Variants in MCTP2 observed in about 807,000 individuals in gnomAD.
MCTP2 encodes the protein multiple C2 and transmembrane domain containing 2, also known as multiple C2 and transmembrane domain-containing protein 2.
In MCTP2, 132 loss-of-function variants were observed where a neutral mutation model predicts 111.6. That is an observed-to-expected ratio of 1.18 (90% confidence interval 1.03 to 1.37). The LOEUF (loss-of-function observed/expected upper bound fraction) is 1.37, where lower values mean the gene tolerates loss of function less well. Ranked by LOEUF, MCTP2 falls within the 40% of genes most tolerant of loss-of-function variation. MCTP2 has a pLI of 0.00. For missense variants in MCTP2, 1,183 were observed against 1,067.9 expected (o/e 1.11, Z -1.50); for synonymous variants, 395 against 387.7 (o/e 1.02, Z -0.22).
At chr15:94,282,025 G>A (rs562987993) in intron 1 of MCTP2, among the ~76,000 whole-genome samples, 2 of 152,238 alleles carry the variant, frequency 1.3e-5, no homozygotes, top group South Asian at 2.1e-4. Flanking sequence ...CTTGGTGAAA[G>A]TCATCTTGTA....
chr15:94,248,373 C>T (rs2072168304), intron 1 of MCTP2, among the ~76,000 whole-genome samples: 1 of 151,906 alleles, frequency 6.6e-6, no homozygotes, highest in Non-Finnish European at 1.5e-5. Flanking sequence ...AATAATGGGC[C>T]TCTTCCAGGC....
At chr15:94,442,787 T>G in intron 18 of MCTP2, 132 bp from the exon 19 acceptor site, 1 of 710,994 alleles carries the variant, frequency 1.4e-6, no homozygotes, top group Non-Finnish European at 2.5e-6. Context: ...AGTTATTGTT[T>G]AAGAGGTTGT....
intron 20 of MCTP2, among the ~76,000 whole-genome samples, chr15:94,468,534 A>G (rs1299926483): frequency 1.3e-5 from 2 of 152,226 alleles, no homozygotes; most frequent in African/African-American, 2.4e-5. Flanking sequence ...ACCAATAGGC[A>G]TATTAAAAGG....
At chr15:94,384,968 G>A (rs2080372926) in intron 13 of MCTP2, among the ~76,000 whole-genome samples, 1 of 152,082 alleles carries the variant, frequency 6.6e-6, no homozygotes, top group African/African-American at 2.4e-5. Context: ...AGTATTTTGT[G>A]TTTCAACAAC....
In MCTP2 at chr15:94,483,210, A is replaced by C. The variant is rs540917803; in HGVS notation, c.*4176A>C. 1 of 152,288 alleles carries C rather than the reference A, an allele frequency of 6.6e-6. No individual in the cohort carries two copies. Among genetic ancestry groups the C allele is most frequent in the Admixed American group, 6.5e-5 (1 of 15,296 alleles). The allele number at this position is 152,288 out of a possible 1,614,324, so 9.4% of individuals were successfully genotyped here. A position where few individuals can be genotyped will look rare whatever the true frequency, so the allele number is the denominator to read the frequency against. On this transcript the variant is annotated 3_prime_UTR_variant, in exon 23 of 23. Coordinates refer to ENST00000357742, the MANE Select transcript of MCTP2 (RefSeq NM_001385001.1). ...ATGGGCTTGAGATGGAGTTAGCCATATTCATTATTGAAAACTATGTTCTGC... is the reference window on the plus strand; with the variant it reads ...ATGGGCTTGAGATGGAGTTAGCCATCTTCATTATTGAAAACTATGTTCTGC...
intron 17 of MCTP2, among the ~76,000 whole-genome samples, chr15:94,436,454 A>G (rs1447054220): frequency 6.6e-6 from 1 of 152,218 alleles, no homozygotes; most frequent in Non-Finnish European, 1.5e-5. Flanking sequence ...AGAAATGGGA[A>G]TTATGCATTG....
chr15:94,446,994 A>C (rs2084157927), intron 19 of MCTP2, among the ~76,000 whole-genome samples: 1 of 152,232 alleles, frequency 6.6e-6, no homozygotes, highest in Non-Finnish European at 1.5e-5. Context: ...AAGGATACAA[A>C]TGGGTATTGT....
rs1555464919 is a variant in MCTP2 at position 94,390,102 on chromosome 15, A to ATATG, written c.1788+4580_1788+4581insGTAT. ...TATATATATATATGTATATATATAT[A>ATATG]TATATATATATGTATATATATATAT... On this transcript the variant is annotated intron_variant, in intron 14 of 22. Coordinates refer to ENST00000357742, the MANE Select transcript of MCTP2 (RefSeq NM_001385001.1). Among the ~76,000 whole-genome samples, 103 of 39,118 alleles carry ATATG rather than the reference A, an allele frequency of 2.6e-3. 2 individuals carry two copies. The highest frequency in any genetic ancestry group is 9.5e-3 in the Admixed American group (25 of 2,630). The allele number at this position is 39,118 out of a possible 152,430, so 25.7% of individuals were successfully genotyped here.
intron 1 of MCTP2, among the ~76,000 whole-genome samples, chr15:94,260,705 A>C (rs1018948505): frequency 6.6e-6 from 1 of 152,124 alleles, no homozygotes; most frequent in Non-Finnish European, 1.5e-5. Context: ...TTCAGTTTCA[A>C]AATGTTAATT....
Position 94,399,978 on chromosome 15 carries a change from C to T in MCTP2, c.1948C>T (p.Arg650Cys), listed in dbSNP as rs147342931. The T allele has an allele frequency of 4.2e-5, 67 of 1,613,828 alleles. No individual in the cohort carries two copies. Among genetic ancestry groups the T allele is most frequent in the South Asian group, 3.5e-4 (32 of 91,066 alleles). Residue 650 changes from arginine to cysteine, a missense_variant, in exon 16 of 23, where the codon CGC (arginine) becomes TGC (cysteine). Physicochemically the swap from Arg to Cys is radical, Grantham distance 180 (BLOSUM62 -3). Coordinates refer to ENST00000357742, the MANE Select transcript of MCTP2 (RefSeq NM_001385001.1). ...GGAAAAGCGCTTTGTTGAAGACAGC[C>T]GCAAGCTGTCCAAAAAGGTGGGTCG... The part of the protein sequence containing the change: ...PREKRFVEDS[R>C]KLSKKILSRD...
intron 1 of MCTP2, among the ~76,000 whole-genome samples, chr15:94,257,257 C>T (rs534121660): frequency 2.5e-4 from 38 of 152,234 alleles, no homozygotes; most frequent in African/African-American, 8.7e-4. Flanking sequence ...CATCCCTCTT[C>T]AAACATATAT....
At chr15:94,456,781 C>A (rs1274942601) in intron 19 of MCTP2, among the ~76,000 whole-genome samples, 1 of 152,166 alleles carries the variant, frequency 6.6e-6, no homozygotes, top group African/African-American at 2.4e-5. Flanking sequence ...CATTGCAGCA[C>A]CCTTTACTGG....
At chr15:94,313,626 A>T (rs1286471211) in intron 2 of MCTP2, among the ~76,000 whole-genome samples, 1 of 151,998 alleles carries the variant, frequency 6.6e-6, no homozygotes, top group Non-Finnish European at 1.5e-5. Flanking sequence ...ACTTGAACTC[A>T]GGAGGTGGAG....
intron 4 of MCTP2, among the ~76,000 whole-genome samples, chr15:94,338,395 G>A (rs1211603428): frequency 6.6e-6 from 1 of 151,776 alleles, no homozygotes; most frequent in Non-Finnish European, 1.5e-5. Context: ...TCACTAGGTA[G>A]TAATGAACAA....
chr15:94,317,810 T>G (rs1389684162), intron 4 of MCTP2, among the ~76,000 whole-genome samples: 1 of 152,222 alleles, frequency 6.6e-6, no homozygotes, highest in Admixed American at 6.5e-5. Flanking sequence ...CTCTCTCTCT[T>G]GCTCATGTTT....
At position 94,245,718 on chromosome 15, in the gene MCTP2, A is replaced by G. The variant is rs544586704; in HGVS notation, c.-66+14054A>G. Among the ~76,000 whole-genome samples, 471 of 128,514 alleles carry G rather than the reference A, an allele frequency of 3.7e-3. 1 individual carries two copies. The highest frequency in any genetic ancestry group is 6.5e-3 in the South Asian group (28 of 4,328). The allele number at this position is 128,514 out of a possible 152,430, so 84.3% of individuals were successfully genotyped here. A position where few individuals can be genotyped will look rare whatever the true frequency, so the allele number is the denominator to read the frequency against. On this transcript the variant is annotated intron_variant, in intron 1 of 22. Transcript: ENST00000357742. ...TATAAATATATGTGTGTGTGTGTGTATATATATATATATATATCTATATAG... is the reference window on the plus strand; with the variant it reads ...TATAAATATATGTGTGTGTGTGTGTGTATATATATATATATATCTATATAG...
At chr15:94,440,433 T>C in intron 18 of MCTP2, 135 bp downstream of exon 18, 3 of 1,023,904 alleles carry the variant, frequency 2.9e-6, no homozygotes, top group Non-Finnish European at 4.3e-6. Context: ...GCACTCATTT[T>C]GCAGTGGAGG....
intron 4 of MCTP2, among the ~76,000 whole-genome samples, chr15:94,338,740 G>A (rs2077490822): frequency 6.6e-6 from 1 of 152,172 alleles, no homozygotes; most frequent in African/African-American, 2.4e-5. Context: ...TGCAGGTGCG[G>A]GGACGCAGCA....
At chr15:94,297,581 G>C (rs1393469398) in intron 1 of MCTP2, among the ~76,000 whole-genome samples, 1 of 152,024 alleles carries the variant, frequency 6.6e-6, no homozygotes, top group Non-Finnish European at 1.5e-5. Context: ...TTAATTCTGG[G>C]AAGGAAGTTG....
Sources: allele counts gnomAD v4.1 joint callset (sites outside exome capture counted in the v4.1 genomes callset), GRCh38; gene constraint gnomAD v4.1.1; transcripts MANE v1.5; gene names NCBI Gene and HGNC (gene_info 2026-07-23, HGNC 2026-07-21).